Variants in PRKN observed in about 807,000 individuals in gnomAD.
PRKN encodes E3 ubiquitin-protein ligase parkin.
Under a neutral mutation model 59.5 loss-of-function variants are expected in PRKN, and 56 were observed. The observed-to-expected ratio is 0.94, with a 90% CI of 0.76 to 1.18. PRKN has a LOEUF of 1.18. PRKN is among the 50% of genes most tolerant of loss of function. The probability of loss-of-function intolerance (pLI) is 0.00; values close to 1 mark genes in which losing one functional copy is unlikely to be tolerated. For missense variants in PRKN, 657 were observed against 596.4 expected, an observed-to-expected ratio of 1.10 and a Z score of -1.06; for synonymous variants, 250 against 222.1, an observed-to-expected ratio of 1.13 and a Z score of -1.12.
At chr6:162,648,906 G>T (rs1255443112) in intron 1 of PRKN, among the ~76,000 whole-genome samples, 1 of 152,094 alleles carries the variant, frequency 6.6e-6, no homozygotes, top group Non-Finnish European at 1.5e-5. Flanking sequence ...AAGTAAATAA[G>T]TTTACCCTAA....
intron 7 of PRKN, among the ~76,000 whole-genome samples, chr6:161,679,778 G>T (rs1405617786): frequency 4.4e-5 from 3 of 68,204 alleles, no homozygotes; most frequent in Non-Finnish European, 2.5e-5. Context: ...TTTTTGAGAT[G>T]GAGTCTCACT....
chr6:162,281,760 C>T (rs1205666181), intron 2 of PRKN, among the ~76,000 whole-genome samples: 1 of 152,006 alleles, frequency 6.6e-6, no homozygotes, highest in East Asian at 1.9e-4. Context: ...AGCATAATAC[C>T]CAAAATACTG....
At chr6:162,311,813 C>T (rs1782531154) in intron 2 of PRKN, among the ~76,000 whole-genome samples, 1 of 152,000 alleles carries the variant, frequency 6.6e-6, no homozygotes, top group African/African-American at 2.4e-5. Context: ...CATCTCTCTC[C>T]ATTTATTTTC....
At chr6:161,930,558 C>A (rs1259889136) in intron 6 of PRKN, among the ~76,000 whole-genome samples, 4 of 152,162 alleles carry the variant, frequency 2.6e-5, no homozygotes, top group Non-Finnish European at 5.9e-5. Context: ...AATGTTCTTG[C>A]CCATTGTAGA....
chr6:162,510,453 A>G (rs1038699559), intron 1 of PRKN, among the ~76,000 whole-genome samples: 5 of 152,166 alleles, frequency 3.3e-5, no homozygotes, highest in Non-Finnish European at 7.3e-5. Context: ...TTTTCTTGGC[A>G]TGCAGCCCTT....
chr6:162,311,344 A>G (rs1374091148), intron 2 of PRKN, among the ~76,000 whole-genome samples: 1 of 152,172 alleles, frequency 6.6e-6, no homozygotes, highest in African/African-American at 2.4e-5. Flanking sequence ...ATCTGGGTCT[A>G]ATCAAAGCAT....
intron 1 of PRKN, among the ~76,000 whole-genome samples, chr6:162,645,755 T>TGGAA (rs1324879195): frequency 1.3e-5 from 2 of 152,180 alleles, no homozygotes; most frequent in Non-Finnish European, 2.9e-5. Flanking sequence ...ACCTTGCTTC[T>TGGAA]ATTCACGTAC....
At chr6:162,693,495 A>G (rs1162118566) in intron 1 of PRKN, among the ~76,000 whole-genome samples, 1 of 152,212 alleles carries the variant, frequency 6.6e-6, no homozygotes, top group East Asian at 1.9e-4. Flanking sequence ...TGTCCCTAAC[A>G]GATGTGAGGG....
At chr6:162,032,365 C>G (rs1018087469) in intron 5 of PRKN, among the ~76,000 whole-genome samples, 5 of 152,026 alleles carry the variant, frequency 3.3e-5, no homozygotes, top group African/African-American at 1.2e-4. Flanking sequence ...AAAAACCATA[C>G]CTATTTTGTT....
chr6:162,099,228 G>C (rs1779868439), intron 4 of PRKN, among the ~76,000 whole-genome samples: 2 of 152,166 alleles, frequency 1.3e-5, no homozygotes, highest in African/African-American at 2.4e-5. Context: ...TTGGGATTAA[G>C]AGCTCTCTGT....
At chr6:161,613,045 C>T (rs950472071) in intron 7 of PRKN, among the ~76,000 whole-genome samples, 7 of 152,030 alleles carry the variant, frequency 4.6e-5, no homozygotes, top group African/African-American at 1.7e-4. Context: ...GAAATAGCTG[C>T]CATAAAAAGT....
chr6:162,352,304 T>C (rs1024773877), intron 2 of PRKN, among the ~76,000 whole-genome samples: 7 of 152,144 alleles, frequency 4.6e-5, no homozygotes, highest in African/African-American at 1.7e-4. Flanking sequence ...AAAGGCAGAT[T>C]ACGGCAGGTT....
At chr6:161,878,360 T>G (rs1364094957) in intron 6 of PRKN, among the ~76,000 whole-genome samples, 1 of 152,124 alleles carries the variant, frequency 6.6e-6, no homozygotes, top group Non-Finnish European at 1.5e-5. Flanking sequence ...AGAAATAAAA[T>G]GCTTTAAGCG....
intron 5 of PRKN, among the ~76,000 whole-genome samples, chr6:162,047,110 A>C (rs1360789747): frequency 6.6e-6 from 1 of 152,214 alleles, no homozygotes; most frequent in Non-Finnish European, 1.5e-5. Flanking sequence ...GTTTGACTTC[A>C]AAGTTTTCAC....
chr6:161,882,538 G>A (rs570091732), intron 6 of PRKN, among the ~76,000 whole-genome samples: 9 of 152,164 alleles, frequency 5.9e-5, no homozygotes, highest in Non-Finnish European at 1.3e-4. Flanking sequence ...CCCAGTTTTG[G>A]GGGCTCTGAG....
chr6:161,386,784 C>A lies in PRKN; in HGVS notation c.1167+10G>T. 1 of 1,597,662 alleles carries A rather than the reference C, an allele frequency of 6.3e-7. No individual in the cohort carries two copies. Among genetic ancestry groups the A allele is most frequent in the Non-Finnish European group, 8.6e-7 (1 of 1,165,038 alleles). On this transcript the variant is annotated intron_variant, in intron 10 of 11. Coordinates refer to ENST00000366898, the MANE Select transcript of PRKN (RefSeq NM_004562.3). The surrounding 1 kb of genome is among the most constrained non-coding windows in gnomAD (Gnocchi z 4.3). ...GCCCTGCTTGGAGGAATGAGTAGGG[C>A]ATTCTGTACCTGAGTAGTTGTTCCT...
chr6:162,533,583 G>C (rs952190403), intron 1 of PRKN, among the ~76,000 whole-genome samples: 11 of 152,072 alleles, frequency 7.2e-5, no homozygotes, highest in Non-Finnish European at 1.5e-5. Flanking sequence ...TTACAAAGGG[G>C]ATGAGTGAAA....
intron 7 of PRKN, among the ~76,000 whole-genome samples, chr6:161,711,402 T>C (rs1786745806): frequency 1.3e-5 from 2 of 152,228 alleles, no homozygotes; most frequent in African/African-American, 4.8e-5. Context: ...ATTGTATGTC[T>C]ATGACTGTGT....
At position 161,815,202 on chromosome 6, in the gene PRKN, C is replaced by T. The variant is rs73785416; in HGVS notation, c.735-29294G>A. 3.4e-3 allele frequency among the ~76,000 whole-genome samples: 518 copies of T among 152,298 alleles called. 5 individuals are homozygous for T. The highest frequency in any genetic ancestry group is 0.012 in the African/African-American group (479 of 41,574). ...TTACTTCATATGATTCTAGGACACT[C>T]GCACTTACTTCTTGGACTCAATTTT... On this transcript the variant is annotated intron_variant, in intron 6 of 11. Coordinates refer to ENST00000366898, the MANE Select transcript of PRKN (RefSeq NM_004562.3).
Sources: gnomAD v4.1 joint callset for allele counts (sites outside exome capture counted in the v4.1 genomes callset) on GRCh38, gnomAD v4.1.1 for gene constraint, Gnocchi (gnomAD v3.1) non-coding constraint, MANE v1.5 for transcripts, NCBI Gene and HGNC (gene_info 2026-07-23, HGNC 2026-07-21) for gene names.